Variants in SYN3 observed in about 807,000 individuals in gnomAD.
The protein encoded by SYN3 is synapsin-3.
In SYN3, 35 loss-of-function variants were observed where a neutral mutation model predicts 65.8. The observed-to-expected ratio is 0.53, with a 90% CI of 0.41 to 0.70. The LOEUF is 0.70. Among genes scored for constraint, SYN3 ranks in the 30% least tolerant of loss-of-function variants. The pLI is 0.00. For missense variants in SYN3, 680 were observed against 749.0 expected, an observed-to-expected ratio of 0.91 and a Z score of 1.08; for synonymous variants, 270 against 292.9, an observed-to-expected ratio of 0.92 and a Z score of 0.80.
intron 1 of SYN3, among the ~76,000 whole-genome samples, chr22:33,057,228 A>G (rs2054268637): frequency 1.3e-5 from 2 of 152,228 alleles, no homozygotes; most frequent in Non-Finnish European, 2.9e-5. Context: ...ATCACTGATC[A>G]GAATTCTTCC....
In SYN3 at chr22:32,777,429, GAAGAA is replaced by G. The variant is rs1230412359; in HGVS notation, c.711+87481_711+87485del. On this transcript the variant is annotated intron_variant, in intron 6 of 13. Coordinates refer to ENST00000358763, the MANE Select transcript of SYN3 (RefSeq NM_003490.4). ...TATTATCACACAGAAACCTGTTTAGGAAGAAAAGTCCTGACTCGGTGCAATATTGT... is the reference window on the plus strand; with the variant it reads ...TATTATCACACAGAAACCTGTTTAGGAAGTCCTGACTCGGTGCAATATTGT... Among the ~76,000 whole-genome samples the G allele has an allele frequency of 2.6e-5, 4 of 151,934 alleles. No homozygotes were observed. The East Asian group carries it at 7.7e-4, about 29-fold the overall frequency.
chr22:32,792,669 A>T (rs950846791), intron 6 of SYN3, among the ~76,000 whole-genome samples: 2 of 152,156 alleles, frequency 1.3e-5, no homozygotes, highest in African/African-American at 4.8e-5. Flanking sequence ...CCTTCTCTCC[A>T]TTGCAAACCA....
In SYN3 at chr22:33,015,220, C is replaced by CAAA. The variant is rs1158885870; in HGVS notation, c.-162-8399_-162-8397dup. ...TGGGCGACAGAGTGAGACTCCGTCT[C>CAAA]AAAAAAAAAAAAAAAAAAAAAACTA... On this transcript the variant is annotated intron_variant, in intron 1 of 13. Coordinates refer to ENST00000358763, the MANE Select transcript of SYN3 (RefSeq NM_003490.4). 2.9e-3 allele frequency: 291 copies of CAAA among 101,718 alleles called. 4 individuals carry two copies. The highest frequency in any genetic ancestry group is 9.0e-3 in the South Asian group (68 of 7,564). The allele number at this position is 101,718 out of a possible 1,614,324, so 6.3% of individuals were successfully genotyped here.
At chr22:32,965,892 C>T (rs539843257) in intron 3 of SYN3, among the ~76,000 whole-genome samples, 6 of 152,248 alleles carry the variant, frequency 3.9e-5, no homozygotes, top group South Asian at 2.1e-4. Context: ...GACGGGGTTT[C>T]GCTGTGTTAG....
intron 6 of SYN3, chr22:32,857,217 A>G (rs2048393911): frequency 6.4e-7 from 1 of 1,559,042 alleles, no homozygotes; most frequent in South Asian, 1.1e-5. Context: ...AAACTGGGAA[A>G]GAAGAAGTCA....
chr22:32,873,628 G>A (rs142333109), intron 4 of SYN3, among the ~76,000 whole-genome samples: 2 of 152,254 alleles, frequency 1.3e-5, no homozygotes, highest in Admixed American at 6.5e-5. Context: ...GTCTAAGGAC[G>A]GAACACCTGA....
chr22:32,738,611 A>G (rs1179067991), intron 6 of SYN3, among the ~76,000 whole-genome samples: 1 of 152,204 alleles, frequency 6.6e-6, no homozygotes, highest in Admixed American at 6.5e-5. Flanking sequence ...TGAAGTTCAC[A>G]GGCAGGGGTA....
At position 32,586,973 on chromosome 22, in the gene SYN3, C is replaced by T. The variant is rs552713022; in HGVS notation, c.774+9701G>A. Reference sequence around the variant, plus strand: ...GAGCGGTGGCTCACGCCTGTAATCCCAGCACTTTGGGAGGCTGAGGCAGGT... The same window carrying T: ...GAGCGGTGGCTCACGCCTGTAATCCTAGCACTTTGGGAGGCTGAGGCAGGT... On this transcript the variant is annotated intron_variant, in intron 7 of 13. Transcript: ENST00000358763. 4.6e-5 allele frequency among the ~76,000 whole-genome samples: 7 copies of T among 152,214 alleles called. No individual in the cohort carries two copies. In the East Asian group the frequency reaches 1.2e-3, roughly 25 times the overall value.
At chr22:32,687,795 C>T (rs2060611161) in intron 6 of SYN3, among the ~76,000 whole-genome samples, 1 of 152,184 alleles carries the variant, frequency 6.6e-6, no homozygotes. Flanking sequence ...CACATCTCTC[C>T]CTATTGTTAA....
At chr22:32,610,040 T>C (rs1189259748) in intron 6 of SYN3, among the ~76,000 whole-genome samples, 1 of 152,136 alleles carries the variant, frequency 6.6e-6, no homozygotes, top group Non-Finnish European at 1.5e-5. Flanking sequence ...CCCAGCACTT[T>C]GGGAGGCCGA....
intron 13 of SYN3, among the ~76,000 whole-genome samples, chr22:32,516,346 G>GATTGATTGATTTATTTATTT (rs779603620): frequency 4.7e-5 from 7 of 149,842 alleles, no homozygotes; most frequent in African/African-American, 1.7e-4. Flanking sequence ...ATACATCTTT[G>GATTGATTGATTTATTTATTT]ATTTATTTAT....
At chr22:32,708,744 A>G (rs1380832249) in intron 6 of SYN3, among the ~76,000 whole-genome samples, 1 of 152,184 alleles carries the variant, frequency 6.6e-6, no homozygotes, top group Non-Finnish European at 1.5e-5. Context: ...AGAGGAAGGC[A>G]CCCAGGCCTC....
chr22:32,968,317 G>A (rs1296821828), intron 3 of SYN3, among the ~76,000 whole-genome samples: 1 of 152,128 alleles, frequency 6.6e-6, no homozygotes, highest in Non-Finnish European at 1.5e-5. Flanking sequence ...TCATATTCAA[G>A]GATGAGATGA....
chr22:32,851,572 T>G (rs141964680), intron 6 of SYN3, among the ~76,000 whole-genome samples: 17 of 152,278 alleles, frequency 1.1e-4, no homozygotes, highest in African/African-American at 4.1e-4. Flanking sequence ...TCGCCTGAGC[T>G]CATGAATCAT....
chr22:32,564,477 C>A (rs1435997111), intron 7 of SYN3, among the ~76,000 whole-genome samples: 1 of 152,196 alleles, frequency 6.6e-6, no homozygotes, highest in East Asian at 1.9e-4. Context: ...TTCCCAAGGT[C>A]ACACGGCTAG....
chr22:32,981,113 C>T (rs911269963), intron 2 of SYN3, among the ~76,000 whole-genome samples: 13 of 151,188 alleles, frequency 8.6e-5, no homozygotes, highest in African/African-American at 2.4e-4. Flanking sequence ...CCTCGCCCTC[C>T]CAAAGTGCTG....
chr22:32,780,912 G>GCTTC (rs35821823), intron 6 of SYN3, among the ~76,000 whole-genome samples: 53 of 127,484 alleles, frequency 4.2e-4, no homozygotes, highest in African/African-American at 1.4e-3. Context: ...TGCCTTCCTT[G>GCTTC]CTTCCTTCCT....
At chr22:32,716,044 A>G (rs2061034901) in intron 6 of SYN3, among the ~76,000 whole-genome samples, 1 of 152,144 alleles carries the variant, frequency 6.6e-6, no homozygotes, top group Non-Finnish European at 1.5e-5. Flanking sequence ...GAGGTTTTGA[A>G]GAAGATCAAA....
chr22:32,670,138 C>T (rs1050265550), intron 6 of SYN3, among the ~76,000 whole-genome samples: 4 of 152,276 alleles, frequency 2.6e-5, no homozygotes, highest in South Asian at 2.1e-4. Flanking sequence ...TACATCATCA[C>T]GGCTTCTTGG....
Sources: allele counts gnomAD v4.1 joint callset (sites outside exome capture counted in the v4.1 genomes callset), GRCh38; gene constraint gnomAD v4.1.1; transcripts MANE v1.5; gene names NCBI Gene and HGNC (gene_info 2026-07-23, HGNC 2026-07-21).